Variants in VPS13B observed in about 807,000 individuals in gnomAD.
VPS13B encodes the protein vacuolar protein sorting 13 homolog B.
Under a neutral mutation model 426.4 loss-of-function variants are expected in VPS13B, and 285 were observed. The observed-to-expected ratio is 0.67, with a 90% CI of 0.61 to 0.74. The LOEUF is 0.74. Ranked by LOEUF, VPS13B falls within the 30% of genes least tolerant of loss-of-function variation. VPS13B has a pLI of 0.00. For missense variants in VPS13B, 4,537 were observed against 4,782.6 expected (o/e 0.95, Z 1.51); for synonymous variants, 1,676 against 1,676.4 (o/e 1.00, Z 0.01).
intron 30 of VPS13B, among the ~76,000 whole-genome samples, chr8:99,533,263 T>C (rs1823026698): frequency 6.6e-6 from 1 of 152,186 alleles, no homozygotes; most frequent in African/African-American, 2.4e-5. Context: ...TTTAAAATCA[T>C]AGTTTACTAA....
intron 17 of VPS13B, among the ~76,000 whole-genome samples, chr8:99,195,470 G>T (rs190941668): frequency 5.7e-4 from 86 of 152,168 alleles, no homozygotes; most frequent in African/African-American, 2.0e-3. Context: ...TAGATATTTT[G>T]GATAACAACT....
chr8:99,469,498 G>A (rs1276598705), intron 24 of VPS13B, among the ~76,000 whole-genome samples: 1 of 151,912 alleles, frequency 6.6e-6, no homozygotes, highest in Admixed American at 6.6e-5. Context: ...AGAATCAGTA[G>A]TGAATACTTT....
At chr8:99,243,795 T>C (rs1459962284) in intron 17 of VPS13B, among the ~76,000 whole-genome samples, 2 of 152,250 alleles carry the variant, frequency 1.3e-5, no homozygotes, top group Admixed American at 1.3e-4. Flanking sequence ...TGAAGGCTTC[T>C]AGTTCTCAGC....
chr8:99,676,955 C>T (rs1201879884), intron 35 of VPS13B, among the ~76,000 whole-genome samples: 2 of 152,012 alleles, frequency 1.3e-5, no homozygotes, highest in African/African-American at 2.4e-5. Flanking sequence ...CATGGCAAAA[C>T]CCCATCTCTA....
chr8:99,077,475 T>C (rs1845197082), intron 3 of VPS13B, among the ~76,000 whole-genome samples: 1 of 152,134 alleles, frequency 6.6e-6, no homozygotes, highest in Non-Finnish European at 1.5e-5. Context: ...TGGCCTGCTC[T>C]TTCATTTTTG....
At chr8:99,716,773 A>C (rs1436099446) in intron 36 of VPS13B, among the ~76,000 whole-genome samples, 1 of 152,204 alleles carries the variant, frequency 6.6e-6, no homozygotes, top group Non-Finnish European at 1.5e-5. Context: ...GCAGAGTAAC[A>C]TACTGCACTC....
chr8:99,385,571 G>A (rs1424086184), intron 20 of VPS13B, among the ~76,000 whole-genome samples: 1 of 152,158 alleles, frequency 6.6e-6, no homozygotes, highest in East Asian at 1.9e-4. Context: ...GCAGTATGCT[G>A]TACACCATGG....
At chr8:99,139,870 A>G (rs1331971438) in intron 12 of VPS13B, among the ~76,000 whole-genome samples, 1 of 151,940 alleles carries the variant, frequency 6.6e-6, no homozygotes, top group African/African-American at 2.4e-5. Flanking sequence ...AAAAAGCTTT[A>G]TCTAAAACTC....
intron 25 of VPS13B, among the ~76,000 whole-genome samples, chr8:99,486,612 C>G (rs1195397806): frequency 1.3e-5 from 2 of 152,206 alleles, no homozygotes; most frequent in Non-Finnish European, 2.9e-5. Context: ...AGCCTAGTGT[C>G]TAGTGTATCT....
intron 43 of VPS13B, among the ~76,000 whole-genome samples, chr8:99,793,752 A>G (rs1396992090): frequency 1.3e-5 from 2 of 152,182 alleles, no homozygotes; most frequent in Non-Finnish European, 2.9e-5. Flanking sequence ...GACACATTGA[A>G]TTTTAGGCTG....
intron 21 of VPS13B, among the ~76,000 whole-genome samples, chr8:99,424,755 CA>C (rs1220128381): frequency 1.3e-5 from 2 of 151,920 alleles, no homozygotes; most frequent in South Asian, 4.2e-4. Flanking sequence ...CAAAACGCTT[CA>C]AAAAAATCAA....
chr8:99,761,217 G>A (rs1810915173), intron 39 of VPS13B, among the ~76,000 whole-genome samples: 1 of 152,170 alleles, frequency 6.6e-6, no homozygotes, highest in East Asian at 1.9e-4. Flanking sequence ...ACATACTTTG[G>A]TATGTATCTC....
At position 99,854,111 on chromosome 8, in the gene VPS13B, C is replaced by G. The variant is rs1303747895; in HGVS notation, c.10722C>G (p.Ile3574Met). The change falls in exon 56 of 62, where the codon ATC becomes ATG. Residue 3574 changes from isoleucine (I) to methionine (M), a missense_variant. Ile to Met is a conservative substitution (Grantham distance 10, BLOSUM62 1). Coordinates refer to ENST00000357162, the MANE Select transcript of VPS13B (RefSeq NM_152564.5). ...VIQPVNLLVSIHASLKLYIAS... is the reference protein window; with the variant it reads ...VIQPVNLLVSMHASLKLYIAS... ...AGCCAGTAAATTTGCTCGTCAGCAT[C>G]CACGCTTCCCTCAAGCTGTACATAG... 1.2e-6 allele frequency: 2 copies of G among 1,613,188 alleles called. No individual in the cohort carries two copies. The highest frequency in any genetic ancestry group is 1.7e-5 in the Admixed American group (1 of 60,000).
At chr8:99,711,004 T>C (rs1282918648) in intron 36 of VPS13B, among the ~76,000 whole-genome samples, 2 of 152,034 alleles carry the variant, frequency 1.3e-5, no homozygotes, top group Non-Finnish European at 2.9e-5. Flanking sequence ...ACTCTGCCTC[T>C]AAATAAATAA....
At chr8:99,085,166 G>C (rs1045182285) in intron 3 of VPS13B, among the ~76,000 whole-genome samples, 5 of 152,178 alleles carry the variant, frequency 3.3e-5, no homozygotes, top group African/African-American at 1.2e-4. Context: ...ATTTAGGATA[G>C]TTAGCTCTTG....
rs117350338 is a variant in VPS13B at position 99,658,880 on chromosome 8, A to G, written c.5909-2474A>G. 3.9e-5 allele frequency among the ~76,000 whole-genome samples: 6 copies of G among 152,284 alleles called. No individual in the cohort carries two copies. In the East Asian group the frequency reaches 1.2e-3, roughly 29 times the overall value. Reference sequence around the variant, plus strand: ...GCTCAGGCTGGCGTGCAGTGGCACAATCACGGCTCACTGCAGCCTTAACCT... The same window carrying G: ...GCTCAGGCTGGCGTGCAGTGGCACAGTCACGGCTCACTGCAGCCTTAACCT... On this transcript the variant is annotated intron_variant, in intron 34 of 61. Coordinates refer to ENST00000357162, the MANE Select transcript of VPS13B (RefSeq NM_152564.5).
intron 3 of VPS13B, among the ~76,000 whole-genome samples, chr8:99,065,505 A>G (rs1324319135): frequency 6.6e-6 from 1 of 151,982 alleles, no homozygotes; most frequent in Non-Finnish European, 1.5e-5. Flanking sequence ...TATTGATGGA[A>G]CGTATCTCAA....
chr8:99,095,951 CT>C (rs1479221602), intron 3 of VPS13B, among the ~76,000 whole-genome samples: 2 of 151,932 alleles, frequency 1.3e-5, no homozygotes, highest in Non-Finnish European at 2.9e-5. Context: ...AATTAAGAAC[CT>C]TTTTATTTAT....
At chr8:99,413,272 C>T (rs1428754673) in intron 21 of VPS13B, among the ~76,000 whole-genome samples, 1 of 152,070 alleles carries the variant, frequency 6.6e-6, no homozygotes, top group Non-Finnish European at 1.5e-5. Flanking sequence ...CAACTTCTTC[C>T]TGGTTTACTC....
Sources: gnomAD v4.1 joint callset for allele counts (sites outside exome capture counted in the v4.1 genomes callset) on GRCh38, gnomAD v4.1.1 for gene constraint, MANE v1.5 for transcripts, NCBI Gene and HGNC (gene_info 2026-07-23, HGNC 2026-07-21) for gene names.